RUNX3: variants seen among roughly 807,000 people sequenced by gnomAD.
The protein encoded by RUNX3 is runt-related transcription factor 3.
In RUNX3, 10 loss-of-function variants were observed where a neutral mutation model predicts 27.7. That is an observed-to-expected ratio of 0.36 (90% CI 0.22 to 0.61). The LOEUF is 0.61. RUNX3 is among the 20% of genes least tolerant of loss of function. RUNX3 has a pLI of 0.72. For synonymous variants in RUNX3, 270 were observed against 269.2 expected, an observed-to-expected ratio of 1.00 and a Z score of -0.03; for missense variants, 469 against 629.5, an observed-to-expected ratio of 0.75 and a Z score of 2.73.
rs140991317 is a variant in RUNX3, at chr1:24,951,853, G to A, written c.58+12661C>T. On this transcript the variant is annotated intron_variant, in intron 2 of 6. Coordinates refer to the RUNX3 transcript ENST00000338888. ...CCTCATAAGAGCTTTTGTCTTATAG[G>A]GTTGTGAGGATTAAATGAGCTAAGG... is the stretch of plus-strand genomic sequence containing the variant. 6.9e-3 allele frequency among the ~76,000 whole-genome samples: 1,052 copies of A among 152,246 alleles called. 11 individuals carry two copies. The highest frequency in any genetic ancestry group is 0.027 in the Middle Eastern group (8 of 294).
At chr1:24,946,610 A>G (rs898272313) in intron 2 of RUNX3, among the ~76,000 whole-genome samples, 45 of 151,998 alleles carry the variant, frequency 3.0e-4, no homozygotes, top group Middle Eastern at 3.2e-3. Context: ...TTCCCTTGTG[A>G]TGGGCTGTTT....
chr1:24,954,480 G>T (rs897636611), intron 2 of RUNX3, among the ~76,000 whole-genome samples: 1 of 152,244 alleles, frequency 6.6e-6, no homozygotes, highest in Non-Finnish European at 1.5e-5. Context: ...GGCCTGGGCA[G>T]TTGCACAGGG....
At position 24,901,297 on chromosome 1, in the gene RUNX3, G is replaced by A. The variant is rs1473716242; in HGVS notation, c.*825C>T. ...AATGGAATTATGAGACCACCTAGGG[G>A]AAAGGGGACCTCCTATCCCCCCTCC... On this transcript the variant is annotated 3_prime_UTR_variant, in exon 5 of 5. Coordinates refer to ENST00000308873, the MANE Select transcript of RUNX3 (RefSeq NM_004350.3). 6.6e-6 allele frequency: 1 copy of A among 152,616 alleles called. No individual in the cohort carries two copies. The highest frequency in any genetic ancestry group is 2.4e-5 in the African/African-American group (1 of 41,394). 9.5% of individuals were successfully genotyped at this position (152,616 alleles called of 1,614,324 possible).
chr1:24,963,815 C>T (rs1021989278), intron 2 of RUNX3, among the ~76,000 whole-genome samples: 1 of 152,144 alleles, frequency 6.6e-6, no homozygotes, highest in Non-Finnish European at 1.5e-5. Flanking sequence ...TCCCAGACCC[C>T]CTATCCTTGC....
intron 3 of RUNX3, among the ~76,000 whole-genome samples, chr1:24,910,541 G>A (rs2124261601): frequency 1.3e-5 from 2 of 152,276 alleles, no homozygotes; most frequent in East Asian, 3.9e-4. Context: ...GCCTCGCATG[G>A]GCCTGATTTC....
chr1:24,913,416 C>T (rs1640831120), intron 3 of RUNX3, among the ~76,000 whole-genome samples: 1 of 152,272 alleles, frequency 6.6e-6, no homozygotes, highest in Admixed American at 6.5e-5. Flanking sequence ...CCTTCTGGGC[C>T]TCAGCTGTCT....
At position 24,927,807 on chromosome 1, in the gene RUNX3, C is replaced by T; in HGVS notation, c.283-77G>A. The T allele has an allele frequency of 7.7e-7, 1 of 1,294,484 alleles. No homozygotes were observed. The highest frequency in any genetic ancestry group is 1.1e-6 in the Non-Finnish European group (1 of 894,732). 80.2% of individuals were successfully genotyped at this position (1,294,484 alleles called of 1,614,324 possible). A position where few individuals can be genotyped will look rare whatever the true frequency, so the allele number is the denominator to read the frequency against. Reference sequence around the variant, plus strand: ...GTGACCAGGGAAAGGAGGGGAGGGGCTGGGCTGGGCAGCTCCCCCAGGTCC... The same window carrying T: ...GTGACCAGGGAAAGGAGGGGAGGGGTTGGGCTGGGCAGCTCCCCCAGGTCC... On this transcript the variant is annotated intron_variant, in intron 1 of 4. Transcript: ENST00000308873. This position sits in a 1 kb window ranked among gnomAD's most constrained non-coding sequence, Gnocchi z 5.0.
chr1:24,944,271 G>C (rs1265986689), intron 2 of RUNX3, among the ~76,000 whole-genome samples: 1 of 152,046 alleles, frequency 6.6e-6, no homozygotes, highest in African/African-American at 2.4e-5. Context: ...CCCTCACCCT[G>C]CTCCAGCCAC....
At chr1:24,930,558 C>A (rs1641204256), upstream of RUNX3, among the ~76,000 whole-genome samples, 1 of 152,114 alleles carries the variant, frequency 6.6e-6, no homozygotes, top group East Asian at 1.9e-4. The surrounding 1 kb of genome is among the most constrained non-coding windows in gnomAD (Gnocchi z 4.1). Flanking sequence ...CCACGGAAGG[C>A]GCCCTTGCCG....
chr1:24,908,641 G>A (rs1199482932), intron 3 of RUNX3, among the ~76,000 whole-genome samples: 1 of 152,140 alleles, frequency 6.6e-6, no homozygotes, highest in East Asian at 1.9e-4. Context: ...CCCAGTCTGG[G>A]CAACGGAACA....
At chr1:24,933,470 G>C (rs1641277777), upstream of RUNX3, among the ~76,000 whole-genome samples, 1 of 151,964 alleles carries the variant, frequency 6.6e-6, no homozygotes, top group South Asian at 2.1e-4. Context: ...TCCTCTCTCT[G>C]GGCCTCACAC....
chr1:24,929,632 C>T lies in RUNX3; in HGVS notation c.237G>A (p.Leu79=), dbSNP rs200985880. 1.2e-6 allele frequency: 2 copies of T among 1,608,738 alleles called. No homozygotes were observed. The highest frequency in any genetic ancestry group is 4.5e-5 in the East Asian group (2 of 44,748). ...TDSPNFLCSV[L]PSHWRCNKTL... ...TCTTGTTGCAGCGCCAGTGCGAGGG[C>T]AGCACGGAGCAGAGGAAGTTGGGGC... Residue 79 remains leucine (L), a synonymous_variant, in exon 1 of 5, where the codon CTG becomes CTA. Coordinates refer to ENST00000308873, the MANE Select transcript of RUNX3 (RefSeq NM_004350.3).
upstream of RUNX3, among the ~76,000 whole-genome samples, chr1:24,932,381 C>G (rs1232230652): frequency 3.3e-5 from 5 of 152,034 alleles, no homozygotes; most frequent in Non-Finnish European, 7.4e-5. Context: ...GTCGCGGGGC[C>G]GCCTGGCAGG....
At chr1:24,944,493 G>T (rs775456219) in intron 2 of RUNX3, among the ~76,000 whole-genome samples, 1 of 152,178 alleles carries the variant, frequency 6.6e-6, no homozygotes, top group African/African-American at 2.4e-5. Context: ...CAAACCTGTG[G>T]CTATGTTACC....
At chr1:24,953,871 C>T (rs1641843202) in intron 2 of RUNX3, among the ~76,000 whole-genome samples, 1 of 152,114 alleles carries the variant, frequency 6.6e-6, no homozygotes, top group African/African-American at 2.4e-5. Context: ...CTGGTCCCAG[C>T]CATCTTGGGT....
intron 2 of RUNX3, 40 bp from the exon 3 acceptor site, chr1:24,919,384 G>A (rs368579364): frequency 6.4e-6 from 9 of 1,401,320 alleles, no homozygotes; most frequent in Non-Finnish European, 9.1e-6. Flanking sequence ...GTTGGCACCT[G>A]GAGCTTCCAC....
chr1:24,932,589 G>A (rs1571329230), upstream of RUNX3, among the ~76,000 whole-genome samples: 1 of 152,194 alleles, frequency 6.6e-6, no homozygotes, highest in Non-Finnish European at 1.5e-5. Flanking sequence ...AACCAAGGCC[G>A]CCTTCCTCAC....
At chr1:24,949,379 G>A (rs1641700575) in intron 2 of RUNX3, among the ~76,000 whole-genome samples, 1 of 152,144 alleles carries the variant, frequency 6.6e-6, no homozygotes, top group African/African-American at 2.4e-5. Context: ...CGCCCCCCGT[G>A]AGCAGACCAC....
At chr1:24,911,802 C>T (rs992392941) in intron 3 of RUNX3, among the ~76,000 whole-genome samples, 3 of 152,240 alleles carry the variant, frequency 2.0e-5, no homozygotes, top group African/African-American at 7.2e-5. Context: ...ATGAGACCGA[C>T]GCTGAGCGCC....
Sources: gnomAD v4.1 joint callset for allele counts (sites outside exome capture counted in the v4.1 genomes callset) on GRCh38, gnomAD v4.1.1 for gene constraint, Gnocchi (gnomAD v3.1) non-coding constraint, MANE v1.5 for transcripts, NCBI Gene and HGNC (gene_info 2026-07-23, HGNC 2026-07-21) for gene names.